RNGTT: variants seen among roughly 807,000 people sequenced by gnomAD.
RNGTT encodes mRNA-capping enzyme.
Under a neutral mutation model 79.3 loss-of-function variants are expected in RNGTT, and 33 were observed. The ratio of observed to expected loss-of-function variants is 0.42; its 90% CI spans 0.32 to 0.56. The LOEUF is 0.56. RNGTT is among the 20% of genes least tolerant of loss of function. The pLI, the probability that RNGTT is intolerant of heterozygous loss-of-function variation, is 0.17. For missense variants in RNGTT, 497 were observed against 739.1 expected, an observed-to-expected ratio of 0.67 and a Z score of 3.80; for synonymous variants, 222 against 235.9, an observed-to-expected ratio of 0.94 and a Z score of 0.54.
intron 1 of RNGTT, among the ~76,000 whole-genome samples, chr6:88,956,177 G>A (rs1369707193): frequency 6.0e-5 from 9 of 150,448 alleles, no homozygotes; most frequent in South Asian, 2.1e-4. Flanking sequence ...TATTACAACC[G>A]ATACAACAAA....
chr6:88,776,356 G>A (rs1289413856), intron 12 of RNGTT, among the ~76,000 whole-genome samples: 10 of 138,570 alleles, frequency 7.2e-5, no homozygotes, highest in East Asian at 2.1e-4. Context: ...TTTCCCTCTC[G>A]TTGCCCAGGC....
At chr6:88,645,293 C>G (rs1472704116) in intron 14 of RNGTT, among the ~76,000 whole-genome samples, 1 of 152,138 alleles carries the variant, frequency 6.6e-6, no homozygotes, top group Admixed American at 6.5e-5. Flanking sequence ...ATCCAACTTA[C>G]AAGGGATGTG....
intron 14 of RNGTT, among the ~76,000 whole-genome samples, chr6:88,665,730 C>G (rs1299412475): frequency 3.3e-5 from 5 of 152,220 alleles, no homozygotes; most frequent in African/African-American, 1.2e-4. Flanking sequence ...CCCCCACCAT[C>G]TTTGGGGAGG....
At chr6:88,625,444 CAAATG>C (rs1772591317) in intron 14 of RNGTT, among the ~76,000 whole-genome samples, 3 of 151,872 alleles carry the variant, frequency 2.0e-5, no homozygotes, top group Non-Finnish European at 4.4e-5. Flanking sequence ...GGTTGAATTC[CAAATG>C]CTTTGAGCTG....
At chr6:88,723,056 A>T (rs924991853) in intron 13 of RNGTT, among the ~76,000 whole-genome samples, 23 of 152,230 alleles carry the variant, frequency 1.5e-4, no homozygotes, top group African/African-American at 5.5e-4. Context: ...CTACTTATTT[A>T]ACAGCAACAA....
At chr6:88,729,535 CA>C (rs879516909) in intron 13 of RNGTT, among the ~76,000 whole-genome samples, 1 of 151,964 alleles carries the variant, frequency 6.6e-6, no homozygotes, top group Non-Finnish European at 1.5e-5. Context: ...GGATTTGAGT[CA>C]ATATCTTGGT....
intron 14 of RNGTT, among the ~76,000 whole-genome samples, chr6:88,645,938 C>T (rs1376395870): frequency 6.6e-6 from 1 of 152,182 alleles, no homozygotes; most frequent in East Asian, 1.9e-4. Flanking sequence ...AGGACATAGG[C>T]ATGGGCAAGG....
At chr6:88,640,950 A>T (rs892511637) in intron 14 of RNGTT, among the ~76,000 whole-genome samples, 1 of 152,158 alleles carries the variant, frequency 6.6e-6, no homozygotes, top group African/African-American at 2.4e-5. Flanking sequence ...TTATTTTCAT[A>T]CCTAATAATG....
At chr6:88,816,010 A>G (rs913210857) in intron 11 of RNGTT, among the ~76,000 whole-genome samples, 1 of 152,234 alleles carries the variant, frequency 6.6e-6, no homozygotes, top group African/African-American at 2.4e-5. Flanking sequence ...GCTCAAAATC[A>G]TATAAAAATA....
chr6:88,941,227 A>G, intron 1 of RNGTT, 47 bp from the exon 2 acceptor site: 1 of 1,241,494 alleles, frequency 8.1e-7, no homozygotes, highest in Non-Finnish European at 1.2e-6. Context: ...GAAATGTTTC[A>G]GATTAAAATT....
intron 14 of RNGTT, among the ~76,000 whole-genome samples, chr6:88,614,864 G>A (rs1267356574): frequency 6.6e-6 from 1 of 152,184 alleles, no homozygotes; most frequent in African/African-American, 2.4e-5. Context: ...GTGAATACTA[G>A]GATCAAATTC....
chr6:88,748,513 C>T (rs905339099), intron 13 of RNGTT, among the ~76,000 whole-genome samples: 5 of 152,184 alleles, frequency 3.3e-5, no homozygotes, highest in African/African-American at 9.6e-5. Flanking sequence ...CACTCCTCCC[C>T]TTCAAACTGG....
At chr6:88,623,665 T>C (rs993708245) in intron 14 of RNGTT, among the ~76,000 whole-genome samples, 10 of 152,212 alleles carry the variant, frequency 6.6e-5, no homozygotes, top group Middle Eastern at 3.4e-3. Context: ...TTCCATCCCA[T>C]AAATTCCTTA....
chr6:88,909,106 T>C (rs1783751346), intron 4 of RNGTT, among the ~76,000 whole-genome samples: 1 of 152,112 alleles, frequency 6.6e-6, no homozygotes, highest in African/African-American at 2.4e-5. Flanking sequence ...CAACCTCTCT[T>C]CAGAAGACCA....
At chr6:88,898,891 T>A (rs927431584) in intron 6 of RNGTT, among the ~76,000 whole-genome samples, 7 of 150,852 alleles carry the variant, frequency 4.6e-5, no homozygotes, top group African/African-American at 1.7e-4. Context: ...CTTTAAGTCA[T>A]CTGTGTATGT....
chr6:88,935,907 T>C (rs890179929), intron 2 of RNGTT, among the ~76,000 whole-genome samples: 1 of 152,196 alleles, frequency 6.6e-6, no homozygotes, highest in Non-Finnish European at 1.5e-5. Flanking sequence ...GATTTTTGTA[T>C]GTTGATTTCT....
intron 14 of RNGTT, among the ~76,000 whole-genome samples, chr6:88,641,778 C>G (rs1485391536): frequency 6.6e-6 from 1 of 152,112 alleles, no homozygotes; most frequent in Non-Finnish European, 1.5e-5. Context: ...GAAAAGAAAC[C>G]ACTGTAAATG....
intron 11 of RNGTT, among the ~76,000 whole-genome samples, chr6:88,819,441 T>A (rs1208787860): frequency 6.6e-6 from 1 of 152,210 alleles, no homozygotes; most frequent in Non-Finnish European, 1.5e-5. Flanking sequence ...TAAACACATG[T>A]GCCACAAAAC....
intron 1 of RNGTT, among the ~76,000 whole-genome samples, chr6:88,952,281 G>C (rs1055210322): frequency 1.3e-5 from 2 of 152,142 alleles, no homozygotes; most frequent in Admixed American, 6.5e-5. Context: ...CCCAAGGAGA[G>C]TCTGAGCCCA....
Sources: allele counts gnomAD v4.1 joint callset (sites outside exome capture counted in the v4.1 genomes callset), GRCh38; gene constraint gnomAD v4.1.1; transcripts MANE v1.5; gene names NCBI Gene and HGNC (gene_info 2026-07-23, HGNC 2026-07-21).